Variants in RFTN1 observed in about 807,000 individuals in gnomAD.
RFTN1 encodes the protein raftlin, lipid raft linker 1, also known as raftlin.
Under a neutral mutation model 46.5 loss-of-function variants are expected in RFTN1, and 26 were observed. The observed-to-expected ratio is 0.56, with a 90% CI of 0.41 to 0.78. RFTN1 has a LOEUF of 0.78. RFTN1 is among the 30% of genes least tolerant of loss of function. The probability of loss-of-function intolerance (pLI) is 0.00; values close to 1 mark genes in which losing one functional copy is unlikely to be tolerated. For synonymous variants in RFTN1, 261 were observed against 284.2 expected, an observed-to-expected ratio of 0.92 and a Z score of 0.82; for missense variants, 693 against 718.7, an observed-to-expected ratio of 0.96 and a Z score of 0.41.
chr3:16,367,079 T>C (rs920550426), intron 6 of RFTN1, among the ~76,000 whole-genome samples: 2 of 152,224 alleles, frequency 1.3e-5, no homozygotes, highest in Non-Finnish European at 2.9e-5. Flanking sequence ...AAACATCACC[T>C]TGTTTATGGG....
chr3:16,504,457 G>A lies in RFTN1; in HGVS notation c.-9+8985C>T, dbSNP rs1440718499. Among the ~76,000 whole-genome samples, 1 of 152,170 alleles carries A rather than the reference G, an allele frequency of 6.6e-6. No individual in the cohort carries two copies. Among genetic ancestry groups the A allele is most frequent in the African/African-American group, 2.4e-5 (1 of 41,438 alleles). On this transcript the variant is annotated intron_variant, in intron 1 of 9. Transcript: ENST00000334133. The surrounding 1 kb of genome is among the most constrained non-coding windows in gnomAD (Gnocchi z 4.4). Reference sequence around the variant, plus strand: ...CAAGAGTAATATGGTACTGTCAGATGTTGATATTGTGAAGTGCCTCAAGCT... The same window carrying A: ...CAAGAGTAATATGGTACTGTCAGATATTGATATTGTGAAGTGCCTCAAGCT...
At chr3:16,372,758 G>A (rs1207629085) in intron 5 of RFTN1, among the ~76,000 whole-genome samples, 4 of 152,346 alleles carry the variant, frequency 2.6e-5, no homozygotes, top group Non-Finnish European at 4.4e-5. Context: ...GAGACCCTCA[G>A]AAAAGGTAGA....
At chr3:16,416,715 A>T (rs1003718273) in intron 3 of RFTN1, among the ~76,000 whole-genome samples, 1 of 152,220 alleles carries the variant, frequency 6.6e-6, no homozygotes, top group African/African-American at 2.4e-5. Context: ...ACTTATAAAG[A>T]TGAGTAATGT....
intron 1 of RFTN1, among the ~76,000 whole-genome samples, chr3:16,508,651 G>A (rs562829984): frequency 5.9e-5 from 9 of 151,400 alleles, no homozygotes; most frequent in Admixed American, 1.3e-4. Context: ...AGATTCAAAC[G>A]TATGTCAAAA....
intron 8 of RFTN1, 81 bp downstream of exon 8, chr3:16,326,692 A>G: frequency 1.0e-6 from 1 of 1,002,826 alleles, no homozygotes; most frequent in Non-Finnish European, 1.5e-6. Flanking sequence ...AATAATTTAT[A>G]GACGTGAGGT....
In RFTN1 at chr3:16,348,382, G is replaced by T. The variant is rs1304262231; in HGVS notation, c.1146+9550C>A. On this transcript the variant is annotated intron_variant, in intron 7 of 9. Coordinates refer to ENST00000334133, the MANE Select transcript of RFTN1 (RefSeq NM_015150.2). The surrounding 1 kb of genome is among the most constrained non-coding windows in gnomAD (Gnocchi z 6.3). ...TAATTATAAAAAAAAATTAATAGAT[G>T]TGCCTTCTCTTCCAGCTGGCCTCTG... is the stretch of plus-strand genomic sequence containing the variant. Among the ~76,000 whole-genome samples the T allele has an allele frequency of 3.9e-5, 6 of 152,028 alleles. No individual in the cohort carries two copies. The highest frequency in any genetic ancestry group is 7.4e-5 in the Non-Finnish European group (5 of 68,018).
Position 16,351,907 on chromosome 3 carries a change from T to C in RFTN1, c.1146+6025A>G, listed in dbSNP as rs2072131084. ...AAAAAAAAATCATGAAAACATGGATTCTGCAGTCAGATTCCATTGATATTT... is the reference window on the plus strand; with the variant it reads ...AAAAAAAAATCATGAAAACATGGATCCTGCAGTCAGATTCCATTGATATTT... On this transcript the variant is annotated intron_variant, in intron 7 of 9. Coordinates refer to ENST00000334133, the MANE Select transcript of RFTN1 (RefSeq NM_015150.2). The surrounding 1 kb of genome is among the most constrained non-coding windows in gnomAD (Gnocchi z 5.4). Among the ~76,000 whole-genome samples, 1 of 152,160 alleles carries C rather than the reference T, an allele frequency of 6.6e-6. No individual in the cohort carries two copies. Among genetic ancestry groups the C allele is most frequent in the African/African-American group, 2.4e-5 (1 of 41,428 alleles).
intron 4 of RFTN1, among the ~76,000 whole-genome samples, chr3:16,388,213 T>C (rs1468276562): frequency 1.3e-5 from 2 of 152,252 alleles, no homozygotes; most frequent in East Asian, 3.9e-4. Flanking sequence ...TTTGGCATGC[T>C]GTTCCCCCCT....
rs1300536278 is a variant in RFTN1 at position 16,504,630 on chromosome 3, G to T, written c.-9+8812C>A. Among the ~76,000 whole-genome samples, 1 of 152,106 alleles carries T rather than the reference G, an allele frequency of 6.6e-6. No homozygotes were observed. The highest frequency in any genetic ancestry group is 6.6e-5 in the Admixed American group (1 of 15,262). The stretch of plus-strand genomic sequence containing the variant: ...GGGAACCACCAATACATAGTATTAT[G>T]TATGCTCAAAAAAGTTACTTACATG... On this transcript the variant is annotated intron_variant, in intron 1 of 9. Transcript: ENST00000334133. The surrounding 1 kb of genome is among the most constrained non-coding windows in gnomAD (Gnocchi z 4.4).
rs2074004045 is a variant in RFTN1 at position 16,381,832 on chromosome 3, A to G, written c.442-3730T>C. On this transcript the variant is annotated intron_variant, in intron 4 of 9. Coordinates refer to ENST00000334133, the MANE Select transcript of RFTN1 (RefSeq NM_015150.2). This position sits in a 1 kb window ranked among gnomAD's most constrained non-coding sequence, Gnocchi z 4.2. ...AGACATGACAAGGACCGGATCACAT[A>G]TGGCCTTGGATCCATGCCCGCAAAG... 6.6e-6 allele frequency among the ~76,000 whole-genome samples: 1 copy of G among 152,140 alleles called. No individual in the cohort carries two copies. Among genetic ancestry groups the G allele is most frequent in the South Asian group, 2.1e-4 (1 of 4,828 alleles).
Position 16,402,101 on chromosome 3 carries a change from C to T in RFTN1, c.441+7274G>A, listed in dbSNP as rs1351392672. On this transcript the variant is annotated intron_variant, in intron 4 of 9. Coordinates refer to ENST00000334133, the MANE Select transcript of RFTN1 (RefSeq NM_015150.2). The surrounding 1 kb of genome is among the most constrained non-coding windows in gnomAD (Gnocchi z 4.5). ...GTCTTCATACAACCATCCCCATTCT[C>T]ATCACCTCTCTGCCCCCAGGGCTCC... Among the ~76,000 whole-genome samples the T allele has an allele frequency of 1.3e-5, 2 of 152,218 alleles. No homozygotes were observed. The highest frequency in any genetic ancestry group is 2.9e-5 in the Non-Finnish European group (2 of 68,036).
intron 6 of RFTN1, among the ~76,000 whole-genome samples, chr3:16,362,983 C>T (rs541916): frequency 0.48 from 73,054 of 151,898 alleles, 18,447 homozygotes; most frequent in Middle Eastern, 0.6. Flanking sequence ...AGGAGGAACA[C>T]ACCCAGATCC....
chr3:16,371,357 A>C (rs907200183), intron 5 of RFTN1, among the ~76,000 whole-genome samples: 2 of 152,224 alleles, frequency 1.3e-5, no homozygotes, highest in African/African-American at 2.4e-5. Context: ...GTGGTATCCA[A>C]GTACTAGTTG....
chr3:16,421,625 C>T lies in RFTN1; in HGVS notation c.333-12142G>A, dbSNP rs940911890. On this transcript the variant is annotated intron_variant, in intron 3 of 9. Coordinates refer to ENST00000334133, the MANE Select transcript of RFTN1 (RefSeq NM_015150.2). This position sits in a 1 kb window ranked among gnomAD's most constrained non-coding sequence, Gnocchi z 4.6. ...TCGGCCTCCCAAAGTGCTGGGATTA[C>T]AGGTGTGAGCCACCACGCCCAGCCC... Among the ~76,000 whole-genome samples the T allele has an allele frequency of 6.6e-6, 1 of 152,184 alleles. No homozygotes were observed. The highest frequency in any genetic ancestry group is 2.4e-5 in the African/African-American group (1 of 41,434).
intron 3 of RFTN1, among the ~76,000 whole-genome samples, chr3:16,432,957 C>T (rs1417048093): frequency 1.3e-5 from 2 of 152,152 alleles, no homozygotes; most frequent in East Asian, 3.8e-4. Context: ...TATGAGCACA[C>T]CAGCCAAATG....
intron 3 of RFTN1, among the ~76,000 whole-genome samples, chr3:16,416,385 T>C (rs1290255747): frequency 6.6e-6 from 1 of 152,122 alleles, no homozygotes; most frequent in Non-Finnish European, 1.5e-5. Context: ...GACAACTAAA[T>C]GCAGTATAGT....
chr3:16,332,886 A>G (rs1169720122), intron 7 of RFTN1, among the ~76,000 whole-genome samples: 2 of 152,140 alleles, frequency 1.3e-5, no homozygotes, highest in Non-Finnish European at 2.9e-5. Flanking sequence ...CTTGGTAGCT[A>G]TGTTCTGTAA....
At chr3:16,328,879 C>T (rs1283366252) in intron 7 of RFTN1, among the ~76,000 whole-genome samples, 1 of 152,184 alleles carries the variant, frequency 6.6e-6, no homozygotes, top group Non-Finnish European at 1.5e-5. Context: ...TAACTTTTTC[C>T]CATCATTCTC....
intron 6 of RFTN1, among the ~76,000 whole-genome samples, chr3:16,363,653 GCATGC>G (rs1391302430): frequency 6.6e-6 from 1 of 152,268 alleles, no homozygotes; most frequent in Non-Finnish European, 1.5e-5. Flanking sequence ...GCCTGAATGT[GCATGC>G]CATGACAAGC....
Sources: allele counts gnomAD v4.1 joint callset (sites outside exome capture counted in the v4.1 genomes callset), GRCh38; gene constraint gnomAD v4.1.1; non-coding constraint Gnocchi (gnomAD v3.1); transcripts MANE v1.5; gene names NCBI Gene and HGNC (gene_info 2026-07-23, HGNC 2026-07-21).